The following AK3 variants were observed in gnomAD, a reference collection of about 807,000 sequenced individuals.
AK3 encodes the protein GTP:AMP phosphotransferase AK3, mitochondrial.
AK3 carries 27 observed loss-of-function variants against 23.7 expected under a neutral mutation model. The ratio of observed to expected loss-of-function variants is 1.14; its 90% CI spans 0.84 to 1.57. The LOEUF is 1.57. Ranked by LOEUF, AK3 falls within the 40% of genes most tolerant of loss-of-function variation. The pLI is 0.00. For synonymous variants in AK3, 159 were observed against 116.0 expected (o/e 1.37, Z -2.38); for missense variants, 406 against 285.6 (o/e 1.42, Z -3.04).
In AK3 at chr9:4,712,950, C is replaced by A. The variant is rs374392990; in HGVS notation, c.*26G>T. The A allele has an allele frequency of 6.2e-7, 1 of 1,608,586 alleles. No individual in the cohort carries two copies. The highest frequency in any genetic ancestry group is 1.3e-5 in the African/African-American group (1 of 74,740). Reference sequence around the variant, plus strand: ...AGGACTAGGAGGTTTGCCCATCTTACTATTAATAGTTACACACATTTCTCC... The same window carrying A: ...AGGACTAGGAGGTTTGCCCATCTTAATATTAATAGTTACACACATTTCTCC... On this transcript the variant is annotated 3_prime_UTR_variant, in exon 5 of 5. Coordinates refer to ENST00000381809, the MANE Select transcript of AK3 (RefSeq NM_016282.4).
At chr9:4,715,040 G>A (rs745498321) in intron 4 of AK3, among the ~76,000 whole-genome samples, 5 of 151,824 alleles carry the variant, frequency 3.3e-5, no homozygotes, top group Admixed American at 6.6e-5. Flanking sequence ...CCAACATGGC[G>A]AAACCCCGTC....
intron 1 of AK3, among the ~76,000 whole-genome samples, chr9:4,729,195 G>A (rs1017480214): frequency 3.3e-5 from 5 of 151,404 alleles, no homozygotes; most frequent in Non-Finnish European, 7.4e-5. Flanking sequence ...TTTTTAGTAG[G>A]GACAGGGTTT....
chr9:4,730,790 T>G (rs1339170341), intron 1 of AK3, among the ~76,000 whole-genome samples: 1 of 152,242 alleles, frequency 6.6e-6, no homozygotes, highest in East Asian at 1.9e-4. Context: ...AATAGATTTT[T>G]GTGTGATGAG....
At chr9:4,737,797 T>C (rs534489061) in intron 1 of AK3, among the ~76,000 whole-genome samples, 2 of 152,332 alleles carry the variant, frequency 1.3e-5, no homozygotes, top group East Asian at 3.9e-4. Flanking sequence ...ACTCCAAGTT[T>C]CAGTGATGAC....
chr9:4,729,013 A>ATTTT (rs754323325), intron 1 of AK3, among the ~76,000 whole-genome samples: 46 of 109,794 alleles, frequency 4.2e-4, no homozygotes, highest in South Asian at 9.3e-4. Flanking sequence ...ATATATATAT[A>ATTTT]TATTTTTTTT....
upstream of AK3, chr9:4,741,206 G>C: frequency 8.8e-7 from 1 of 1,137,878 alleles, no homozygotes; most frequent in Non-Finnish European, 1.1e-6. Context: ...GGCTACTGCG[G>C]TTCCCCGGCG....
chr9:4,723,707 T>C (rs1465473054), intron 1 of AK3, among the ~76,000 whole-genome samples: 1 of 152,226 alleles, frequency 6.6e-6, no homozygotes, highest in Non-Finnish European at 1.5e-5. Context: ...GTAACCATAT[T>C]ACACTCCAAA....
At chr9:4,714,250 A>G (rs489533) in intron 4 of AK3, among the ~76,000 whole-genome samples, 19,536 of 88,872 alleles carry the variant, frequency 0.22, 5,872 homozygotes, top group African/African-American at 0.38. Flanking sequence ...TGGTGTAAAG[A>G]CTGCATAAGG....
At chr9:4,728,880 C>CACACACACACAT (rs1554627005) in intron 1 of AK3, among the ~76,000 whole-genome samples, 7 of 97,624 alleles carry the variant, frequency 7.2e-5, no homozygotes, top group Non-Finnish European at 1.5e-4. Flanking sequence ...CACACACACA[C>CACACACACACAT]ACATACATAT....
chr9:4,741,190 G>A lies in AK3; in HGVS notation c.-103C>T. The stretch of plus-strand genomic sequence containing the variant: ...CGCCGGCCGGCTAGCAGCGCCACTA[G>A]CAGGCGGCTACTGCGGTTCCCCGGC... On this transcript the variant is annotated 5_prime_UTR_variant, in exon 1 of 5. Coordinates refer to ENST00000381809, the MANE Select transcript of AK3 (RefSeq NM_016282.4). The A allele has an allele frequency of 8.0e-7, 1 of 1,247,644 alleles. No individual in the cohort carries two copies. The highest frequency in any genetic ancestry group is 1.0e-6 in the Non-Finnish European group (1 of 971,020). The allele number at this position is 1,247,644 out of a possible 1,614,324, so 77.3% of individuals were successfully genotyped here.
chr9:4,719,718 G>A (rs986528679), intron 2 of AK3, among the ~76,000 whole-genome samples: 1 of 152,048 alleles, frequency 6.6e-6, no homozygotes, highest in Non-Finnish European at 1.5e-5. Context: ...CTCTAACTGG[G>A]ACACAGGACT....
chr9:4,728,620 G>T (rs1307867423), intron 1 of AK3, among the ~76,000 whole-genome samples: 1 of 151,964 alleles, frequency 6.6e-6, no homozygotes, highest in African/African-American at 2.4e-5. Context: ...TGGAGAAACT[G>T]TAACCCTCAT....
At position 4,738,761 on chromosome 9, in the gene AK3, CTTTTTTT is replaced by C. The variant is rs35812152; in HGVS notation, c.151+2169_151+2175del. On this transcript the variant is annotated intron_variant, in intron 1 of 4. Coordinates refer to ENST00000381809, the MANE Select transcript of AK3 (RefSeq NM_016282.4). The stretch of plus-strand genomic sequence containing the variant: ...CTTCTTTTATAATAAATATGCTTTA[CTTTTTTT>C]TTTTTTTTTTTTTTTTTGAGACAGG... 5.3e-5 allele frequency among the ~76,000 whole-genome samples: 4 copies of C among 75,086 alleles called. 1 individual carries two copies. The highest frequency in any genetic ancestry group is 1.0e-3 in the South Asian group (2 of 1,976). The allele number at this position is 75,086 out of a possible 152,430, so 49.3% of individuals were successfully genotyped here.
intron 1 of AK3, among the ~76,000 whole-genome samples, chr9:4,728,980 T>C (rs1842087710): frequency 1.5e-5 from 1 of 65,680 alleles, no homozygotes; most frequent in African/African-American, 3.6e-5. Context: ...TATACCTACA[T>C]ATATATACAC....
At chr9:4,717,689 C>A (rs1473137332) in intron 4 of AK3, among the ~76,000 whole-genome samples, 1 of 152,132 alleles carries the variant, frequency 6.6e-6, no homozygotes, top group Non-Finnish European at 1.5e-5. Context: ...AATTTCAGTA[C>A]AATATTCAGT....
At chr9:4,723,283 T>C (rs1434193873) in intron 1 of AK3, among the ~76,000 whole-genome samples, 5 of 152,234 alleles carry the variant, frequency 3.3e-5, no homozygotes, top group African/African-American at 9.6e-5. Context: ...AATTATGAAA[T>C]AGCTGAAATT....
rs1324139150 is a variant in AK3 at position 4,711,022 on chromosome 9, A to G, written c.*1954T>C. On this transcript the variant is annotated 3_prime_UTR_variant, in exon 5 of 5. Transcript: ENST00000381809. ...GGTGGGGAGGGAATGGTCACAGGAA[A>G]TAAGAGTCTTAATTCTCATAGCCAT... 2 of 152,280 alleles carry G rather than the reference A, an allele frequency of 1.3e-5. No individual in the cohort carries two copies. Among genetic ancestry groups the G allele is most frequent in the African/African-American group, 4.8e-5 (2 of 41,464 alleles). The allele number at this position is 152,280 out of a possible 1,614,324, so 9.4% of individuals were successfully genotyped here.
chr9:4,724,631 T>C (rs1841979422), intron 1 of AK3, among the ~76,000 whole-genome samples: 1 of 152,016 alleles, frequency 6.6e-6, no homozygotes, highest in Non-Finnish European at 1.5e-5. Flanking sequence ...ATTAAAAAAT[T>C]AGCTGGGTGT....
At position 4,709,788 on chromosome 9, in the gene AK3, C is replaced by A. The variant is rs779102648; in HGVS notation, c.*3188G>T. The stretch of plus-strand genomic sequence containing the variant: ...AACTGCAAAGATAGAAAAGCTATTT[C>A]TACAGTTTATCAGGGCCTGAGGATT... On this transcript the variant is annotated 3_prime_UTR_variant, in exon 5 of 5. Coordinates refer to ENST00000381809, the MANE Select transcript of AK3 (RefSeq NM_016282.4). 1 of 152,152 alleles carries A rather than the reference C, an allele frequency of 6.6e-6. No individual in the cohort carries two copies. Among genetic ancestry groups the A allele is most frequent in the Non-Finnish European group, 1.5e-5 (1 of 68,010 alleles). 9.4% of individuals were successfully genotyped at this position (152,152 alleles called of 1,614,324 possible).
Sources: allele counts gnomAD v4.1 joint callset (sites outside exome capture counted in the v4.1 genomes callset), GRCh38; gene constraint gnomAD v4.1.1; transcripts MANE v1.5; gene names NCBI Gene and HGNC (gene_info 2026-07-23, HGNC 2026-07-21).